The following FOXP1 variants were observed in gnomAD, a reference collection of about 807,000 sequenced individuals.
FOXP1 encodes forkhead box P1.
FOXP1 carries 15 observed loss-of-function variants against 98.2 expected under a neutral mutation model. That is an observed-to-expected ratio of 0.15 (90% CI 0.10 to 0.24). FOXP1 has a LOEUF of 0.24. Ranked by LOEUF, FOXP1 falls within the 10% of genes least tolerant of loss-of-function variation. The probability of loss-of-function intolerance (pLI) is 1.00; values close to 1 mark genes in which losing one functional copy is unlikely to be tolerated. For synonymous variants in FOXP1, 371 were observed against 314.5 expected, an observed-to-expected ratio of 1.18 and a Z score of -1.90; for missense variants, 633 against 848.5, an observed-to-expected ratio of 0.75 and a Z score of 3.15.
intron 2 of FOXP1, among the ~76,000 whole-genome samples, chr3:71,526,906 G>C (rs2043428371): frequency 6.6e-6 from 1 of 151,088 alleles, no homozygotes; most frequent in Non-Finnish European, 1.5e-5. Flanking sequence ...GGCAGAGGTC[G>C]CGGTGAGCCA....
chr3:71,420,898 C>T (rs1052986143), intron 3 of FOXP1, among the ~76,000 whole-genome samples: 5 of 152,072 alleles, frequency 3.3e-5, no homozygotes, highest in Non-Finnish European at 5.9e-5. Context: ...CAGAGTCTTG[C>T]TATGTTGCCC....
At chr3:71,182,530 GTGTATATA>G (rs1287313140) in intron 6 of FOXP1, among the ~76,000 whole-genome samples, 23 of 147,680 alleles carry the variant, frequency 1.6e-4, no homozygotes, top group African/African-American at 4.2e-4. Context: ...GTGTGTGTGT[GTGTATATA>G]TGTATATATT....
At chr3:71,158,115 G>GGGAAGGAC (rs1363037077) in intron 6 of FOXP1, among the ~76,000 whole-genome samples, 1 of 49,218 alleles carries the variant, frequency 2.0e-5, no homozygotes, top group Non-Finnish European at 5.3e-5. Flanking sequence ...AAGGGAGGGA[G>GGGAAGGAC]GGAGGGAGGG....
Position 71,480,563 on chromosome 3 carries a change from C to G in FOXP1, c.-168+12863G>C, listed in dbSNP as rs534202542. Among the ~76,000 whole-genome samples, 86 of 152,304 alleles carry G rather than the reference C, an allele frequency of 5.6e-4. 2 individuals carry two copies. In the South Asian group the frequency reaches 0.017, roughly 30 times the overall value. On this transcript the variant is annotated intron_variant, in intron 3 of 20. Coordinates refer to ENST00000649528, the MANE Select transcript of FOXP1 (RefSeq NM_001349338.3). Reference sequence around the variant, plus strand: ...AGTGAATTATATCTAAATGTGGACACATCAATAAAACATATCTCTATGACT... The same window carrying G: ...AGTGAATTATATCTAAATGTGGACAGATCAATAAAACATATCTCTATGACT...
chr3:71,201,242 C>A (rs2063653191), intron 5 of FOXP1, among the ~76,000 whole-genome samples: 1 of 152,156 alleles, frequency 6.6e-6, no homozygotes, highest in African/African-American at 2.4e-5. Context: ...TAATTTGTGA[C>A]AACATGAGTG....
chr3:71,370,678 T>G (rs1281837747), intron 3 of FOXP1, among the ~76,000 whole-genome samples: 2 of 152,164 alleles, frequency 1.3e-5, no homozygotes, highest in Non-Finnish European at 2.9e-5. Flanking sequence ...AAGTCTTTTC[T>G]GCCACTATCT....
At chr3:71,406,109 C>G (rs998721364) in intron 3 of FOXP1, among the ~76,000 whole-genome samples, 2 of 152,096 alleles carry the variant, frequency 1.3e-5, no homozygotes, top group Non-Finnish European at 2.9e-5. Flanking sequence ...CCGTACCATA[C>G]CAGGCACGTG....
chr3:71,130,419 G>C (rs2059494600), intron 6 of FOXP1: 1 of 1,422,772 alleles, frequency 7.0e-7, no homozygotes, highest in Non-Finnish European at 9.7e-7. Context: ...GCCCTTCAGA[G>C]AATGTCTGCA....
At chr3:71,480,483 A>T (rs756791937) in intron 3 of FOXP1, among the ~76,000 whole-genome samples, 2 of 152,254 alleles carry the variant, frequency 1.3e-5, no homozygotes, top group African/African-American at 2.4e-5. Flanking sequence ...AAGAACAGTC[A>T]CAATGTTTCG....
Position 70,977,993 on chromosome 3 carries a change from C to T in FOXP1, c.1183G>A (p.Ala395Thr), listed in dbSNP as rs376351360. 14 of 1,613,992 alleles carry T rather than the reference C, an allele frequency of 8.7e-6. No individual in the cohort carries two copies. The highest frequency in any genetic ancestry group is 2.2e-5 in the East Asian group (1 of 44,874). Residue 395 changes from alanine (A) to threonine (T), a missense_variant, in exon 15 of 21, where the codon GCA becomes ACA. Ala to Thr is a moderately conservative substitution (Grantham distance 58). Transcript: ENST00000649528. ...AAGCTCTGTGGAGAAGCCTCCGATG[C>T]GGACTTGGAGAGAGTGACACTTGAT... Reference protein sequence around the residue: ...LVSSVTLSKSASEASPQSLPH... With the variant: ...LVSSVTLSKSTSEASPQSLPH...
chr3:71,244,820 T>C (rs1318518001), intron 5 of FOXP1: 3 of 151,968 alleles, frequency 2.0e-5, no homozygotes, highest in African/African-American at 7.3e-5. Flanking sequence ...TTAGTTTGAG[T>C]GACAAAGGTC....
chr3:71,420,208 G>C (rs1260883657), intron 3 of FOXP1, among the ~76,000 whole-genome samples: 2 of 152,060 alleles, frequency 1.3e-5, no homozygotes, highest in Non-Finnish European at 2.9e-5. Flanking sequence ...AATAACTAAT[G>C]ATGAAAACTT....
At chr3:71,157,727 C>T (rs1436133369) in intron 6 of FOXP1, among the ~76,000 whole-genome samples, 1 of 152,246 alleles carries the variant, frequency 6.6e-6, no homozygotes, top group African/African-American at 2.4e-5. Flanking sequence ...TAGTTAGAGG[C>T]TAGTGATACA....
At chr3:71,100,495 G>C (rs1374553117) in intron 7 of FOXP1, among the ~76,000 whole-genome samples, 1 of 152,174 alleles carries the variant, frequency 6.6e-6, no homozygotes, top group Non-Finnish European at 1.5e-5. Context: ...ACCTTCTAGG[G>C]GGCAGTGGTA....
chr3:71,572,488 C>A (rs2047409286), intron 2 of FOXP1: 1 of 115,666 alleles, frequency 8.6e-6, no homozygotes, highest in South Asian at 2.4e-4. Context: ...CATGTATCCA[C>A]ATGGATGAAT....
intron 6 of FOXP1, among the ~76,000 whole-genome samples, chr3:71,166,730 C>T (rs2061415378): frequency 1.3e-5 from 2 of 152,122 alleles, no homozygotes; most frequent in South Asian, 4.1e-4. Flanking sequence ...CTTTTACAAC[C>T]AGAAAGCATT....
intron 5 of FOXP1, among the ~76,000 whole-genome samples, chr3:71,297,540 T>C (rs1324425497): frequency 6.7e-6 from 1 of 149,660 alleles, no homozygotes; most frequent in African/African-American, 2.4e-5. Context: ...GTGAAGGTTA[T>C]ATTTGGAGCT....
chr3:71,092,158 A>G (rs2055931735), intron 7 of FOXP1, among the ~76,000 whole-genome samples: 1 of 151,932 alleles, frequency 6.6e-6, no homozygotes, highest in South Asian at 2.1e-4. Context: ...ACTGCACTCC[A>G]GCCTGGGCGA....
chr3:70,977,860 T>A lies in FOXP1; in HGVS notation c.1316A>T (p.Tyr439Phe), dbSNP rs1409656321. The A allele has an allele frequency of 3.3e-5, 53 of 1,614,080 alleles. No individual in the cohort carries two copies. Among genetic ancestry groups the A allele is most frequent in the Non-Finnish European group, 4.4e-5 (52 of 1,180,038 alleles). ...AATGGGCACGTTGTATTTGTCTGAG[T>A]ACCGCCTGCGGATGGGTCCCACCGT... ...MHTVGPIRRR[Y>F]SDKYNVPISS... Residue 439 changes from tyrosine to phenylalanine, a missense_variant, in exon 15 of 21, where the codon TAC (tyrosine) becomes TTC (phenylalanine). By Grantham distance (22) the Tyr-to-Phe change is conservative. Transcript: ENST00000649528.
Sources: allele counts gnomAD v4.1 joint callset (sites outside exome capture counted in the v4.1 genomes callset), GRCh38; gene constraint gnomAD v4.1.1; transcripts MANE v1.5; gene names NCBI Gene and HGNC (gene_info 2026-07-23, HGNC 2026-07-21).